Variants in RAB5C observed in about 807,000 individuals in gnomAD.
RAB5C encodes RAB5C, member RAS oncogene family.
A neutral mutation model predicts 25.2 loss-of-function variants in RAB5C; 4 were observed. That is an observed-to-expected ratio of 0.16 (90% CI 0.08 to 0.36). The LOEUF (loss-of-function observed/expected upper bound fraction) is 0.36. RAB5C is among the 10% of genes least tolerant of loss of function. The pLI, the probability that RAB5C is intolerant of heterozygous loss-of-function variation, is 1.00. For missense variants in RAB5C, 199 were observed against 283.8 expected, an observed-to-expected ratio of 0.70 and a Z score of 2.15; for synonymous variants, 100 against 106.4, an observed-to-expected ratio of 0.94 and a Z score of 0.37.
chr17:42,136,944 C>T (rs550638243), intron 1 of RAB5C, among the ~76,000 whole-genome samples: 1 of 152,188 alleles, frequency 6.6e-6, no homozygotes. Context: ...GGGACTGCGA[C>T]CTTCTATGCA....
At position 42,153,933 on chromosome 17, in the gene RAB5C, G is replaced by A. The variant is rs76286791; in HGVS notation, c.-89+960C>T. 5.3e-5 allele frequency among the ~76,000 whole-genome samples: 8 copies of A among 152,364 alleles called. No individual in the cohort carries two copies. The East Asian group carries it at 1.5e-3, about 29-fold the overall frequency. On this transcript the variant is annotated intron_variant, in intron 1 of 5. Transcript: ENST00000346213. ...GAAGGGATTGCAGACAGACCCTGGC[G>A]TGGTGTGGACCTGTTGCTCAGGGAG...
At chr17:42,143,444 C>G (rs2079614170) in intron 1 of RAB5C, among the ~76,000 whole-genome samples, 1 of 152,150 alleles carries the variant, frequency 6.6e-6, no homozygotes, top group African/African-American at 2.4e-5. Context: ...CAAAACCAGC[C>G]TGGCCAACAT....
chr17:42,126,630 TCA>T, intron 5 of RAB5C, 123 bp downstream of exon 5: 1 of 274,586 alleles, frequency 3.6e-6, no homozygotes, highest in Non-Finnish European at 6.2e-6. Context: ...AGACTCCATC[TCA>T]AAAAAAAAAA....
chr17:42,153,272 C>T (rs1869366), intron 1 of RAB5C, among the ~76,000 whole-genome samples: 6,613 of 152,044 alleles, frequency 0.043, 219 homozygotes, highest in Non-Finnish European at 0.07. Flanking sequence ...AAAAATTAGC[C>T]GGGTGTGGTG....
In RAB5C at chr17:42,125,713, T is replaced by G; in HGVS notation, c.*70A>C. On this transcript the variant is annotated 3_prime_UTR_variant, in exon 6 of 6. Transcript: ENST00000346213. Reference sequence around the variant, plus strand: ...TGGTGGCCCGAGTCGTTAAGTGCGATTGGTTAGAGTGGATTCCAGTCGGGT... The same window carrying G: ...TGGTGGCCCGAGTCGTTAAGTGCGAGTGGTTAGAGTGGATTCCAGTCGGGT... 8.9e-7 allele frequency: 1 copy of G among 1,122,932 alleles called. No individual in the cohort carries two copies. The highest frequency in any genetic ancestry group is 1.3e-6 in the Non-Finnish European group (1 of 772,512). 69.6% of individuals were successfully genotyped at this position (1,122,932 alleles called of 1,614,324 possible).
chr17:42,152,014 A>G (rs532964526), intron 1 of RAB5C, among the ~76,000 whole-genome samples: 20 of 152,202 alleles, frequency 1.3e-4, no homozygotes, highest in South Asian at 1.0e-3. Context: ...TCTGACCCCA[A>G]ATCCAAGCCC....
chr17:42,139,010 T>C (rs1224889495), intron 1 of RAB5C, among the ~76,000 whole-genome samples: 1 of 152,226 alleles, frequency 6.6e-6, no homozygotes, highest in South Asian at 2.1e-4. Context: ...AATCCTTCCC[T>C]GATCCCTGAG....
chr17:42,129,379 C>T (rs113082194), intron 2 of RAB5C, among the ~76,000 whole-genome samples: 63 of 152,290 alleles, frequency 4.1e-4, no homozygotes, highest in African/African-American at 1.3e-3. Context: ...AGCTAGCCAC[C>T]GCCCCTAGCT....
intron 4 of RAB5C, among the ~76,000 whole-genome samples, chr17:42,127,875 G>A (rs1037294943): frequency 2.0e-5 from 3 of 150,568 alleles, no homozygotes; most frequent in African/African-American, 4.9e-5. Context: ...TGCTCAGGCT[G>A]GAGTGCAGTG....
intron 1 of RAB5C, among the ~76,000 whole-genome samples, chr17:42,145,213 T>C (rs533003447): frequency 1.3e-5 from 2 of 152,142 alleles, no homozygotes; most frequent in African/African-American, 4.8e-5. Flanking sequence ...GTAACTCATG[T>C]AGCTACTCCG....
At chr17:42,148,218 C>G (rs1322483134) in intron 1 of RAB5C, among the ~76,000 whole-genome samples, 2 of 151,788 alleles carry the variant, frequency 1.3e-5, no homozygotes, top group East Asian at 3.9e-4. Flanking sequence ...ATCAGCCTGG[C>G]CAACATGGTG....
intron 1 of RAB5C, among the ~76,000 whole-genome samples, chr17:42,148,418 A>G (rs1197726600): frequency 1.3e-5 from 2 of 151,588 alleles, no homozygotes; most frequent in Non-Finnish European, 2.9e-5. Context: ...AAAAAAAAAA[A>G]AAAAAAAAGA....
chr17:42,134,035 G>A (rs2054512118), intron 1 of RAB5C, among the ~76,000 whole-genome samples: 1 of 152,108 alleles, frequency 6.6e-6, no homozygotes, highest in Non-Finnish European at 1.5e-5. Flanking sequence ...CCTGCTTGGT[G>A]ATCAAATGAG....
At position 42,127,377 on chromosome 17, in the gene RAB5C, C is replaced by T. The variant is rs79876248; in HGVS notation, c.442-529G>A. Among the ~76,000 whole-genome samples the T allele has an allele frequency of 1.6e-3, 247 of 152,216 alleles. 1 individual carries two copies. The highest frequency in any genetic ancestry group is 0.014 in the Middle Eastern group (4 of 294). ...GTTGAGTTTCTAGGGTTAGCAGAGA[C>T]TTAAGTATTTCTTTCTCAATAAGTT... On this transcript the variant is annotated intron_variant, in intron 4 of 5. Coordinates refer to ENST00000346213, the MANE Select transcript of RAB5C (RefSeq NM_004583.4).
Position 42,125,856 on chromosome 17 carries a change from G to C in RAB5C, c.578C>G (p.Ala193Gly). The change falls in exon 6 of 6, where the codon GCT (alanine) becomes GGT (glycine). Residue 193 changes from alanine (A) to glycine (G), a missense_variant. Transcript: ENST00000346213. ...PKNEPQNATGAPGRNRGVDLQ... is the reference protein window; with the variant it reads ...PKNEPQNATGGPGRNRGVDLQ... ...GTCCACACCTCGGTTTCGGCCTGGA[G>C]CACCAGTTGCATTCTGGGGCTCGTT... 1.9e-6 allele frequency: 3 copies of C among 1,612,030 alleles called. No individual in the cohort carries two copies. The highest frequency in any genetic ancestry group is 2.5e-6 in the Non-Finnish European group (3 of 1,179,276).
At chr17:42,147,026 A>C (rs946551473) in intron 1 of RAB5C, among the ~76,000 whole-genome samples, 17 of 112,124 alleles carry the variant, frequency 1.5e-4, no homozygotes, top group Non-Finnish European at 2.3e-4. Context: ...GACAGAAAGA[A>C]AGACAGAAAG....
At chr17:42,126,888 T>A in intron 4 of RAB5C, 40 bp from the exon 5 acceptor site, 1 of 1,379,000 alleles carries the variant, frequency 7.3e-7, no homozygotes, top group Non-Finnish European at 1.0e-6. Flanking sequence ...GAGGGAAATG[T>A]TGGCAGGGGC....
intron 4 of RAB5C, 87 bp from the exon 5 acceptor site, chr17:42,126,935 C>T (rs965994904): frequency 7.1e-5 from 57 of 807,886 alleles, no homozygotes; most frequent in South Asian, 3.2e-4. Context: ...CTTCCTTATT[C>T]GAGCACCTTA....
intron 1 of RAB5C, among the ~76,000 whole-genome samples, chr17:42,144,315 G>C (rs927177929): frequency 6.6e-6 from 1 of 151,808 alleles, no homozygotes; most frequent in Non-Finnish European, 1.5e-5. Flanking sequence ...AAATTAGCCG[G>C]GCATGGTGGC....
Sources: gnomAD v4.1 joint callset for allele counts (sites outside exome capture counted in the v4.1 genomes callset) on GRCh38, gnomAD v4.1.1 for gene constraint, MANE v1.5 for transcripts, NCBI Gene and HGNC (gene_info 2026-07-23, HGNC 2026-07-21) for gene names.